EDC3: variants seen among roughly 807,000 people sequenced by gnomAD.
The protein encoded by EDC3 is enhancer of mRNA decapping 3.
EDC3 carries 20 observed loss-of-function variants against 41.8 expected under a neutral mutation model. The observed-to-expected ratio is 0.48, with a 90% CI of 0.34 to 0.70. EDC3 has a LOEUF of 0.70. EDC3 is among the 30% of genes least tolerant of loss of function. The pLI, the probability that EDC3 is intolerant of heterozygous loss-of-function variation, is 0.01. For missense variants in EDC3, 444 were observed against 636.8 expected (o/e 0.70, Z 3.26); for synonymous variants, 206 against 243.2 (o/e 0.85, Z 1.42).
At chr15:74,666,610 T>A (rs1487490726) in intron 3 of EDC3, among the ~76,000 whole-genome samples, 1 of 152,232 alleles carries the variant, frequency 6.6e-6, no homozygotes. Flanking sequence ...ACATACTGTA[T>A]GATTTTAATT....
intron 1 of EDC3, among the ~76,000 whole-genome samples, chr15:74,681,272 C>T (rs2062867428): frequency 6.6e-6 from 1 of 152,138 alleles, no homozygotes; most frequent in Non-Finnish European, 1.5e-5. Context: ...TCTGCTTCAG[C>T]CTCCCGAGTA....
Position 74,671,191 on chromosome 15 carries a change from TAG to T in EDC3, c.484+262_484+263del, listed in dbSNP as rs2141648868. Among the ~76,000 whole-genome samples the T allele has an allele frequency of 6.6e-6, 1 of 152,294 alleles. No individual in the cohort carries two copies. The highest frequency in any genetic ancestry group is 1.9e-4 in the East Asian group (1 of 5,186). ...GTTCCTGGATTTAAAACATCACTGT[TAG>T]TAAACTCTGGGCAGACTTTTCCTGA... On this transcript the variant is annotated intron_variant, in intron 3 of 6. Transcript: ENST00000315127. The surrounding 1 kb of genome is among the most constrained non-coding windows in gnomAD (Gnocchi z 4.6).
intron 2 of EDC3, among the ~76,000 whole-genome samples, chr15:74,673,701 A>T (rs2062766950): frequency 6.6e-6 from 1 of 152,062 alleles, no homozygotes; most frequent in Admixed American, 6.6e-5. Context: ...TTAGTCGGGC[A>T]TGGTGGCGGG....
At position 74,640,550 on chromosome 15, in the gene EDC3, T is replaced by A. The variant is rs2062337643; in HGVS notation, c.890A>T (p.His297Leu). 1 of 1,614,116 alleles carries A rather than the reference T, an allele frequency of 6.2e-7. No homozygotes were observed. The highest frequency in any genetic ancestry group is 1.3e-5 in the African/African-American group (1 of 74,934). ...CAGTCTCCGCTCAAGGGTCAGCCCA[T>A]GCTTCTCAGCCACGGACAACAGCTT... ...HKKLLSVAEK[H>L]GLTLERRLEM... Residue 297 changes from histidine (H) to leucine (L), a missense_variant, in exon 5 of 7, where the codon CAT (histidine) becomes CTT (leucine). His to Leu is a moderately conservative substitution (Grantham distance 99). This residue lies in a region of EDC3 where 242 missense variants were observed against 363.8 expected (regional missense o/e 0.67). Transcript: ENST00000315127.
chr15:74,652,914 T>C (rs939168979), intron 4 of EDC3, among the ~76,000 whole-genome samples: 2 of 152,008 alleles, frequency 1.3e-5, no homozygotes, highest in African/African-American at 2.4e-5. Context: ...GCGTGGTGGC[T>C]GACGCCTGTA....
At chr15:74,672,397 ATACT>A (rs1199094947) in intron 2 of EDC3, among the ~76,000 whole-genome samples, 1 of 152,198 alleles carries the variant, frequency 6.6e-6, no homozygotes, top group African/African-American at 2.4e-5. Flanking sequence ...AGTATATAAA[ATACT>A]TACTATGTGG....
intron 1 of EDC3, among the ~76,000 whole-genome samples, chr15:74,682,617 CAAA>C (rs61528385): frequency 1.7e-5 from 1 of 60,582 alleles, no homozygotes; most frequent in Non-Finnish European, 3.8e-5. Flanking sequence ...GACTCCATCT[CAAA>C]AAAAAAAAAA....
chr15:74,682,645 A>T (rs2062886774), intron 1 of EDC3, among the ~76,000 whole-genome samples: 2 of 151,482 alleles, frequency 1.3e-5, no homozygotes, highest in South Asian at 4.2e-4. Context: ...AAACCAAAAA[A>T]CTAAACATGC....
intron 5 of EDC3, chr15:74,637,767 C>T (rs1410264662): frequency 1.3e-5 from 2 of 152,212 alleles, no homozygotes; most frequent in Admixed American, 6.5e-5. Flanking sequence ...TATCAGTTTT[C>T]TGGCAAGCAC....
intron 6 of EDC3, among the ~76,000 whole-genome samples, chr15:74,634,660 C>G (rs1442716686): frequency 2.0e-5 from 3 of 152,126 alleles, no homozygotes; most frequent in Admixed American, 6.5e-5. Flanking sequence ...CTTTCTCCCA[C>G]CCCCCATACA....
intron 5 of EDC3, 45 bp from the exon 6 acceptor site, chr15:74,635,671 A>T: frequency 6.4e-7 from 1 of 1,560,130 alleles, no homozygotes. Context: ...ATACTTGCCA[A>T]TCCCTTGCAC....
Position 74,632,296 on chromosome 15 carries a change from T to A in EDC3, c.*316A>T. ...AATGTGTGTGCCCAGGCCCAGTGGC[T>A]GTAAACCTGAAACACAGTCTTGAGA... On this transcript the variant is annotated 3_prime_UTR_variant, in exon 7 of 7. Transcript: ENST00000315127. This position sits in a 1 kb window ranked among gnomAD's most constrained non-coding sequence, Gnocchi z 4.0. 9 of 357,528 alleles carry A rather than the reference T, an allele frequency of 2.5e-5. No individual in the cohort carries two copies. The highest frequency in any genetic ancestry group is 1.7e-4 in the East Asian group (3 of 17,730). The allele number at this position is 357,528 out of a possible 1,614,324, so 22.1% of individuals were successfully genotyped here. A position where few individuals can be genotyped will look rare whatever the true frequency, so the allele number is the denominator to read the frequency against.
At chr15:74,649,225 C>T (rs1294302187) in intron 4 of EDC3, among the ~76,000 whole-genome samples, 3 of 151,888 alleles carry the variant, frequency 2.0e-5, no homozygotes, top group South Asian at 2.1e-4. Flanking sequence ...CCACCACGCC[C>T]GGCTAATTTT....
intron 6 of EDC3, 121 bp from the exon 7 acceptor site, chr15:74,633,067 C>G: frequency 9.4e-7 from 1 of 1,065,880 alleles, no homozygotes; most frequent in Non-Finnish European, 1.3e-6. Flanking sequence ...GAATGCCTCT[C>G]CAAAGGCTGG....
chr15:74,640,353 A>G (rs924111708), intron 5 of EDC3, 113 bp downstream of exon 5: 4 of 1,231,400 alleles, frequency 3.2e-6, no homozygotes, highest in Non-Finnish European at 4.6e-6. Flanking sequence ...CTCCCATCAG[A>G]TGAGCAGAAA....
chr15:74,670,562 T>C (rs755213555), intron 3 of EDC3, among the ~76,000 whole-genome samples: 2 of 152,194 alleles, frequency 1.3e-5, no homozygotes, highest in Non-Finnish European at 2.9e-5. Flanking sequence ...CCAAAGTAGC[T>C]GGGATTACAG....
At chr15:74,681,064 T>A (rs935804776) in intron 1 of EDC3, among the ~76,000 whole-genome samples, 8 of 152,228 alleles carry the variant, frequency 5.3e-5, no homozygotes, top group Non-Finnish European at 1.0e-4. Flanking sequence ...AAAGGATCAA[T>A]GCAATTCTTA....
chr15:74,635,711 A>G (rs2062264588), intron 5 of EDC3, 85 bp from the exon 6 acceptor site: 5 of 1,271,026 alleles, frequency 3.9e-6, no homozygotes, highest in South Asian at 1.4e-5. Context: ...TGTAGCACCT[A>G]TTGGTCTCAG....
chr15:74,638,931 CTTCTCT>C (rs948749998), intron 5 of EDC3: 4 of 151,484 alleles, frequency 2.6e-5, no homozygotes, highest in African/African-American at 7.3e-5. Flanking sequence ...CATCTGTCCA[CTTCTCT>C]TTCTAAGAGA....
Sources: gnomAD v4.1 joint callset for allele counts (sites outside exome capture counted in the v4.1 genomes callset) on GRCh38, gnomAD v4.1.1 for gene constraint, gnomAD v4.1.1 regional missense constraint, Gnocchi (gnomAD v3.1) non-coding constraint, MANE v1.5 for transcripts, NCBI Gene and HGNC (gene_info 2026-07-23, HGNC 2026-07-21) for gene names.